RIMS1: variants seen among roughly 807,000 people sequenced by gnomAD.
RIMS1 encodes regulating synaptic membrane exocytosis 1.
In RIMS1, 83 loss-of-function variants were observed where a neutral mutation model predicts 214.1. The ratio of observed to expected loss-of-function variants is 0.39; its 90% CI spans 0.32 to 0.47. The LOEUF (loss-of-function observed/expected upper bound fraction) is 0.47. Ranked by LOEUF, RIMS1 falls within the 20% of genes least tolerant of loss-of-function variation. RIMS1 has a pLI of 0.99. For missense variants in RIMS1, 2,050 were observed against 2,161.8 expected, an observed-to-expected ratio of 0.95 and a Z score of 1.03; for synonymous variants, 793 against 786.8, an observed-to-expected ratio of 1.01 and a Z score of -0.13.
chr6:71,901,709 T>C (rs1469498015), intron 1 of RIMS1, among the ~76,000 whole-genome samples: 2 of 152,148 alleles, frequency 1.3e-5, no homozygotes. Flanking sequence ...ATTATACATA[T>C]GTATGCATTT....
Position 72,274,342 on chromosome 6 carries a change from C to T in RIMS1, c.3399-7C>T. ...GTTTTTTCCTGTCTTGTTCACTGGG[C>T]AAACAGGGGTAGATGGTCCCCCTCC... On this transcript the variant is annotated splice_polypyrimidine_tract_variant and splice_region_variant and intron_variant, in intron 22 of 33. Transcript: ENST00000521978. 1.2e-6 allele frequency: 2 copies of T among 1,603,032 alleles called. No homozygotes were observed. The highest frequency in any genetic ancestry group is 1.1e-5 in the South Asian group (1 of 90,390).
chr6:72,007,658 T>G lies in RIMS1; in HGVS notation c.245+38595T>G, dbSNP rs182861500. Among the ~76,000 whole-genome samples the G allele has an allele frequency of 3.9e-3, 597 of 152,266 alleles. 11 individuals are homozygous for G. Among genetic ancestry groups the G allele is most frequent in the Admixed American group, 0.019 (296 of 15,288 alleles). On this transcript the variant is annotated intron_variant, in intron 2 of 33. Transcript: ENST00000521978. ...CCTGATGGAGCTGAAAACCATGGCA[T>G]GAGAACTACGTGACGAATGCACAAG...
intron 2 of RIMS1, among the ~76,000 whole-genome samples, chr6:72,050,820 C>A (rs1391427113): frequency 6.6e-6 from 1 of 152,156 alleles, no homozygotes; most frequent in African/African-American, 2.4e-5. Flanking sequence ...CTGCACAGTG[C>A]TCCAGTGTGG....
intron 19 of RIMS1, chr6:72,262,833 A>G: frequency 2.8e-6 from 2 of 711,228 alleles, no homozygotes; most frequent in Non-Finnish European, 3.4e-6. Flanking sequence ...CTTAGGACTT[A>G]TAAAAATAAA....
chr6:72,033,958 G>A (rs1818881447), intron 2 of RIMS1, among the ~76,000 whole-genome samples: 1 of 152,064 alleles, frequency 6.6e-6, no homozygotes, highest in South Asian at 2.1e-4. Context: ...TTATAATTTA[G>A]TCTTTTTCTA....
In RIMS1 at chr6:72,197,521, A is replaced by G. The variant is rs546989138; in HGVS notation, c.1678+14372A>G. ...CAAACACACAAATATTCTGTGTAAA[A>G]TACTTTTTTAAGTATTAAAGTTATT... On this transcript the variant is annotated intron_variant, in intron 6 of 33. Coordinates refer to ENST00000521978, the MANE Select transcript of RIMS1 (RefSeq NM_014989.7). Among the ~76,000 whole-genome samples, 80 of 152,228 alleles carry G rather than the reference A, an allele frequency of 5.3e-4. 1 individual carries two copies. The highest frequency in any genetic ancestry group is 1.9e-3 in the African/African-American group (79 of 41,566).
chr6:71,976,154 G>A (rs1797078769), intron 2 of RIMS1, among the ~76,000 whole-genome samples: 3 of 152,044 alleles, frequency 2.0e-5, no homozygotes, highest in South Asian at 2.1e-4. Flanking sequence ...CAAAGTAGCT[G>A]CATTATTTTA....
chr6:71,991,850 G>A (rs1434389671), intron 2 of RIMS1, among the ~76,000 whole-genome samples: 1 of 152,228 alleles, frequency 6.6e-6, no homozygotes, highest in Non-Finnish European at 1.5e-5. Context: ...GATCACCTGA[G>A]ATCAGGAGTT....
intron 1 of RIMS1, among the ~76,000 whole-genome samples, chr6:71,948,350 C>T (rs934382535): frequency 3.9e-5 from 6 of 152,098 alleles, no homozygotes; most frequent in African/African-American, 1.4e-4. Flanking sequence ...TTACTCTGAC[C>T]AACAAAATAT....
chr6:71,899,514 A>G (rs899067087), intron 1 of RIMS1, among the ~76,000 whole-genome samples: 1 of 152,036 alleles, frequency 6.6e-6, no homozygotes, highest in Admixed American at 6.6e-5. Flanking sequence ...ATATATATAT[A>G]TACTCTCATC....
At chr6:72,163,392 G>T (rs1223579481) in intron 4 of RIMS1, among the ~76,000 whole-genome samples, 1 of 141,126 alleles carries the variant, frequency 7.1e-6, no homozygotes, top group Non-Finnish European at 1.6e-5. Flanking sequence ...ACTCATCAAA[G>T]TCATTCTCCA....
chr6:72,144,473 C>T (rs1310761031), intron 4 of RIMS1, among the ~76,000 whole-genome samples: 1 of 152,112 alleles, frequency 6.6e-6, no homozygotes, highest in East Asian at 1.9e-4. Flanking sequence ...AAGACGTAGA[C>T]ATTTATCAAA....
intron 1 of RIMS1, among the ~76,000 whole-genome samples, chr6:71,952,029 C>T (rs920115749): frequency 6.6e-6 from 1 of 152,184 alleles, no homozygotes. Context: ...TGTTAAAAGA[C>T]AGTCCAGATT....
At chr6:71,913,069 A>G (rs1007846161) in intron 1 of RIMS1, among the ~76,000 whole-genome samples, 1 of 152,138 alleles carries the variant, frequency 6.6e-6, no homozygotes, top group Non-Finnish European at 1.5e-5. Context: ...TATTCAACCA[A>G]AAGCTCCTTT....
intron 6 of RIMS1, among the ~76,000 whole-genome samples, chr6:72,192,019 A>G (rs971037734): frequency 6.6e-6 from 1 of 152,154 alleles, no homozygotes; most frequent in African/African-American, 2.4e-5. Flanking sequence ...TTCCTACCAT[A>G]ATAGTCCTCA....
intron 1 of RIMS1, among the ~76,000 whole-genome samples, chr6:71,893,961 C>T (rs2040055): frequency 0.083 from 12,666 of 152,152 alleles, 625 homozygotes; most frequent in East Asian, 0.18. Context: ...AGTTTCAACC[C>T]GGATGACAAA....
intron 19 of RIMS1, chr6:72,261,872 G>A: frequency 6.1e-6 from 6 of 985,156 alleles, no homozygotes; most frequent in Non-Finnish European, 7.2e-6. Context: ...TCTGCTTGCT[G>A]AGAAAAAAAT....
intron 2 of RIMS1, among the ~76,000 whole-genome samples, chr6:72,002,818 G>C (rs765144611): frequency 6.6e-6 from 1 of 152,096 alleles, no homozygotes; most frequent in African/African-American, 2.4e-5. Flanking sequence ...CTGGAGTGTT[G>C]TTTACCCTTT....
intron 2 of RIMS1, among the ~76,000 whole-genome samples, chr6:71,997,243 A>G (rs1180887371): frequency 6.6e-6 from 1 of 152,276 alleles, no homozygotes; most frequent in East Asian, 1.9e-4. Flanking sequence ...AAACCTTGAC[A>G]TAAGTTTTCA....
Sources: gnomAD v4.1 joint callset for allele counts (sites outside exome capture counted in the v4.1 genomes callset) on GRCh38, gnomAD v4.1.1 for gene constraint, MANE v1.5 for transcripts, NCBI Gene and HGNC (gene_info 2026-07-23, HGNC 2026-07-21) for gene names.